MFSD6: variants seen among roughly 807,000 people sequenced by gnomAD.
The protein encoded by MFSD6 is major facilitator superfamily domain-containing protein 6.
In MFSD6, 26 loss-of-function variants were observed where a neutral mutation model predicts 56.3. That is an observed-to-expected ratio of 0.46 (90% CI 0.34 to 0.64). The LOEUF is 0.64. Ranked by LOEUF, MFSD6 falls within the 30% of genes least tolerant of loss-of-function variation. MFSD6 has a pLI of 0.01. For synonymous variants in MFSD6, 331 were observed against 366.9 expected (o/e 0.90, Z 1.12); for missense variants, 750 against 986.2 (o/e 0.76, Z 3.21).
In MFSD6 at chr2:190,446,840, T is replaced by C. The variant is rs575638686; in HGVS notation, c.1532+9279T>C. Among the ~76,000 whole-genome samples the C allele has an allele frequency of 1.2e-4, 19 of 152,292 alleles. No individual in the cohort carries two copies. In the East Asian group the frequency reaches 3.3e-3, roughly 26 times the overall value. ...AAGCTGAGCTTAAATGTCAACCTCC[T>C]TCAGAGCCATCTAAGACTGTACTGA... On this transcript the variant is annotated intron_variant, in intron 3 of 7. Transcript: ENST00000392328.
rs1299879635 is a variant in MFSD6, at chr2:190,423,574, A to T, written c.-54+8161A>T. Among the ~76,000 whole-genome samples, 2 of 152,172 alleles carry T rather than the reference A, an allele frequency of 1.3e-5. No individual in the cohort carries two copies. Among genetic ancestry groups the T allele is most frequent in the African/African-American group, 2.4e-5 (1 of 41,438 alleles). ...TTTGGGTTGTCTCCACTTTTTGGCT[A>T]TTATGAAGAAAGCTGCTATAAACAT... On this transcript the variant is annotated intron_variant, in intron 2 of 7. Transcript: ENST00000392328. The surrounding 1 kb of genome is among the most constrained non-coding windows in gnomAD (Gnocchi z 4.3).
At chr2:190,478,694 G>T (rs1688483957) in intron 4 of MFSD6, among the ~76,000 whole-genome samples, 1 of 152,124 alleles carries the variant, frequency 6.6e-6, no homozygotes, top group South Asian at 2.1e-4. Context: ...AATGTTACTT[G>T]TTGATTGCCA....
intron 4 of MFSD6, among the ~76,000 whole-genome samples, chr2:190,477,829 A>C (rs979122871): frequency 3.9e-5 from 6 of 152,200 alleles, no homozygotes; most frequent in African/African-American, 1.2e-4. Flanking sequence ...TTTGTGAAGC[A>C]GGGAGTGGGA....
At chr2:190,483,766 C>G (rs1410452211) in intron 4 of MFSD6, among the ~76,000 whole-genome samples, 2 of 137,398 alleles carry the variant, frequency 1.5e-5, no homozygotes, top group East Asian at 4.2e-4. Flanking sequence ...ACCCAGGAGG[C>G]AGAGGATGCG....
At chr2:190,477,482 CATAAGTG>C in intron 4 of MFSD6, 2 of 450,790 alleles carry the variant, frequency 4.4e-6, no homozygotes, top group Non-Finnish European at 5.9e-6. Flanking sequence ...GGACGGTTTC[CATAAGTG>C]ACCCAAGAAA....
intron 4 of MFSD6, among the ~76,000 whole-genome samples, chr2:190,473,734 C>T (rs1357160394): frequency 1.3e-5 from 2 of 152,200 alleles, no homozygotes; most frequent in East Asian, 1.9e-4. Context: ...TAGACATCTA[C>T]AGAACTCTCC....
chr2:190,465,324 T>G lies in MFSD6; in HGVS notation c.1533-4434T>G, dbSNP rs1687545649. Reference sequence around the variant, plus strand: ...AAAATTGCCTTTGTTTCTTGTCTATTTTTATTACTACTGACTTCCTGTTCT... The same window carrying G: ...AAAATTGCCTTTGTTTCTTGTCTATGTTTATTACTACTGACTTCCTGTTCT... On this transcript the variant is annotated intron_variant, in intron 3 of 7. Transcript: ENST00000392328. The surrounding 1 kb of genome is among the most constrained non-coding windows in gnomAD (Gnocchi z 4.6). 6.6e-6 allele frequency among the ~76,000 whole-genome samples: 1 copy of G among 152,192 alleles called. No individual in the cohort carries two copies. Among genetic ancestry groups the G allele is most frequent in the Non-Finnish European group, 1.5e-5 (1 of 68,034 alleles).
chr2:190,474,323 A>C lies in MFSD6; in HGVS notation c.1630+4468A>C, dbSNP rs542928931. Reference sequence around the variant, plus strand: ...ACAAAATTGATAGACCGCTAGCAAGACTAATAAAGAAGAAAAGATTAAAGA... The same window carrying C: ...ACAAAATTGATAGACCGCTAGCAAGCCTAATAAAGAAGAAAAGATTAAAGA... On this transcript the variant is annotated intron_variant, in intron 4 of 7. Transcript: ENST00000392328. 2.0e-5 allele frequency among the ~76,000 whole-genome samples: 3 copies of C among 152,332 alleles called. No homozygotes were observed. The South Asian group carries it at 6.2e-4, about 32-fold the overall frequency.
chr2:190,467,050 G>A lies in MFSD6; in HGVS notation c.1533-2708G>A, dbSNP rs1687643576. Among the ~76,000 whole-genome samples, 2 of 152,226 alleles carry A rather than the reference G, an allele frequency of 1.3e-5. No homozygotes were observed. Among genetic ancestry groups the A allele is most frequent in the South Asian group, 4.1e-4 (2 of 4,832 alleles). ...TTGTCATGGCAACCCTGATTCAGAG[G>A]TGGGCTCAAAAGACAGCTTCAGGAT... On this transcript the variant is annotated intron_variant, in intron 3 of 7. Transcript: ENST00000392328. This position sits in a 1 kb window ranked among gnomAD's most constrained non-coding sequence, Gnocchi z 5.5.
chr2:190,501,048 C>T lies in MFSD6; in HGVS notation c.*830C>T, dbSNP rs573672056. 40 of 152,310 alleles carry T rather than the reference C, an allele frequency of 2.6e-4. No individual in the cohort carries two copies. The highest frequency in any genetic ancestry group is 5.9e-4 in the Admixed American group (9 of 15,302). The allele number at this position is 152,310 out of a possible 1,614,324, so 9.4% of individuals were successfully genotyped here. A position where few individuals can be genotyped will look rare whatever the true frequency, so the allele number is the denominator to read the frequency against. Reference sequence around the variant, plus strand: ...TATATTGATACTGTAAATAGCCTCTCTCGCTATTTACTATCTTATAGTAAT... The same window carrying T: ...TATATTGATACTGTAAATAGCCTCTTTCGCTATTTACTATCTTATAGTAAT... On this transcript the variant is annotated 3_prime_UTR_variant, in exon 8 of 8. Transcript: ENST00000392328.
In MFSD6 at chr2:190,431,156, G is replaced by A. The variant is rs1486924974; in HGVS notation, c.-53-4821G>A. 6.6e-6 allele frequency among the ~76,000 whole-genome samples: 1 copy of A among 151,776 alleles called. No homozygotes were observed. Among genetic ancestry groups the A allele is most frequent in the Non-Finnish European group, 1.5e-5 (1 of 67,930 alleles). On this transcript the variant is annotated intron_variant, in intron 2 of 7. Transcript: ENST00000392328. The surrounding 1 kb of genome is among the most constrained non-coding windows in gnomAD (Gnocchi z 4.4). ...CACATCTCAGACGATGGGCAGCCAG[G>A]CAGAGACGCTCCTCACTTCCCAGAT...
rs1017167021 is a variant in MFSD6 at position 190,491,161 on chromosome 2, T to C, written c.1891+1295T>C. Among the ~76,000 whole-genome samples the C allele has an allele frequency of 2.6e-5, 4 of 152,190 alleles. No homozygotes were observed. The highest frequency in any genetic ancestry group is 9.7e-5 in the African/African-American group (4 of 41,448). ...ATGTAAGAAACATAAAAATAAGCAA[T>C]CAAATTTTAACTCATCTTTGATTAG... On this transcript the variant is annotated intron_variant, in intron 6 of 7. Coordinates refer to ENST00000392328, the MANE Select transcript of MFSD6 (RefSeq NM_017694.4). This position sits in a 1 kb window ranked among gnomAD's most constrained non-coding sequence, Gnocchi z 4.2.
chr2:190,480,645 G>A (rs1464171878), intron 4 of MFSD6, among the ~76,000 whole-genome samples: 1 of 152,154 alleles, frequency 6.6e-6, no homozygotes, highest in East Asian at 1.9e-4. Flanking sequence ...AAACCATAAA[G>A]TGCTAAGGCT....
rs1214546003 is a variant in MFSD6 at position 190,431,048 on chromosome 2, G to A, written c.-53-4929G>A. ...GACGGGGTCGCGGCCGGGCAGAGGC[G>A]CTCCTCACCTCCCAGACGGGGTCGC... is the stretch of plus-strand genomic sequence containing the variant. On this transcript the variant is annotated intron_variant, in intron 2 of 7. Transcript: ENST00000392328. This position sits in a 1 kb window ranked among gnomAD's most constrained non-coding sequence, Gnocchi z 4.4. 3.0e-4 allele frequency among the ~76,000 whole-genome samples: 43 copies of A among 141,120 alleles called. No individual in the cohort carries two copies. Among genetic ancestry groups the A allele is most frequent in the East Asian group, 8.9e-4 (4 of 4,508 alleles). 92.6% of individuals were successfully genotyped at this position (141,120 alleles called of 152,430 possible). A position where few individuals can be genotyped will look rare whatever the true frequency, so the allele number is the denominator to read the frequency against.
In MFSD6 at chr2:190,488,764, G is replaced by C; in HGVS notation, c.1738G>C (p.Gly580Arg). The C allele has an allele frequency of 6.2e-7, 1 of 1,609,506 alleles. No homozygotes were observed. The highest frequency in any genetic ancestry group is 8.5e-7 in the Non-Finnish European group (1 of 1,178,042). The change falls in exon 5 of 8, where the codon GGT becomes CGT. Residue 580 changes from glycine to arginine, a missense_variant. Gly to Arg is a moderately radical substitution (Grantham distance 125). Transcript: ENST00000392328. This position sits in a 1 kb window ranked among gnomAD's most constrained non-coding sequence, Gnocchi z 6.4. ...AQGILQGLHL[G>R]LGRGCGAMIG... ...GGGCATCCTGCAGGGCCTTCACCTGGGTTTGGGAAGAGGATGTGGTGCCAT... is the reference window on the plus strand; with the variant it reads ...GGGCATCCTGCAGGGCCTTCACCTGCGTTTGGGAAGAGGATGTGGTGCCAT...
rs1690828287 is a variant in MFSD6 at position 190,417,522 on chromosome 2, C to T, written c.-54+2109C>T. Among the ~76,000 whole-genome samples the T allele has an allele frequency of 6.6e-6, 1 of 152,164 alleles. No homozygotes were observed. Among genetic ancestry groups the T allele is most frequent in the Admixed American group, 6.5e-5 (1 of 15,282 alleles). The stretch of plus-strand genomic sequence containing the variant: ...TGTGTGGCCTCCAGCATGTGTCCTA[C>T]CTACTAGTGGGTGCTCGATCTATAG... On this transcript the variant is annotated intron_variant, in intron 2 of 7. Transcript: ENST00000392328. The surrounding 1 kb of genome is among the most constrained non-coding windows in gnomAD (Gnocchi z 5.7).
chr2:190,461,622 A>G lies in MFSD6; in HGVS notation c.1533-8136A>G, dbSNP rs4585059. Among the ~76,000 whole-genome samples the G allele has an allele frequency of 0.88, 133,956 of 152,140 alleles. 59,777 individuals are homozygous for G. Among genetic ancestry groups the G allele is most frequent in the East Asian group, 1 (5,162 of 5,176 alleles). On this transcript the variant is annotated intron_variant, in intron 3 of 7. Coordinates refer to ENST00000392328, the MANE Select transcript of MFSD6 (RefSeq NM_017694.4). This position sits in a 1 kb window ranked among gnomAD's most constrained non-coding sequence, Gnocchi z 5.5. ...CCTCGTTCTCTGCCTCCCAGATAGC[A>G]CCTTGAATGCTGTGTTCTCTCATGG... is the stretch of plus-strand genomic sequence containing the variant.
At chr2:190,408,708 T>TCCCTCCCC (rs1690417513) in intron 1 of MFSD6, among the ~76,000 whole-genome samples, 4 of 126,598 alleles carry the variant, frequency 3.2e-5, no homozygotes, top group Admixed American at 2.2e-4. Context: ...CCTCCCTCCC[T>TCCCTCCCC]CCCTCCCCCG....
In MFSD6 at chr2:190,500,214, A is replaced by G. The variant is rs201152172; in HGVS notation, c.2372A>G (p.His791Arg). ...EQQAQLAAGG[H>R] ...CAGGCTCAGCTGGCCGCGGGAGGACACTGAGGGCATCCTGCTCATCTCACA... is the reference window on the plus strand; with the variant it reads ...CAGGCTCAGCTGGCCGCGGGAGGACGCTGAGGGCATCCTGCTCATCTCACA... Residue 791 changes from histidine (H) to arginine (R), a missense_variant, in exon 8 of 8, where the codon CAC becomes CGC. Physicochemically the swap from His to Arg is conservative, Grantham distance 29. This residue lies in a region of MFSD6 where 172 missense variants were observed against 203.9 expected (regional missense o/e 0.84). Transcript: ENST00000392328. The surrounding 1 kb of genome is among the most constrained non-coding windows in gnomAD (Gnocchi z 5.3). 1.2e-5 allele frequency: 20 copies of G among 1,614,098 alleles called. No homozygotes were observed. The highest frequency in any genetic ancestry group is 1.6e-5 in the Non-Finnish European group (19 of 1,180,012).
Sources: gnomAD v4.1 joint callset for allele counts (sites outside exome capture counted in the v4.1 genomes callset) on GRCh38, gnomAD v4.1.1 for gene constraint, gnomAD v4.1.1 regional missense constraint, Gnocchi (gnomAD v3.1) non-coding constraint, MANE v1.5 for transcripts, NCBI Gene and HGNC (gene_info 2026-07-23, HGNC 2026-07-21) for gene names.